ASAP3: variants seen among roughly 807,000 people sequenced by gnomAD.
ASAP3 encodes arf-GAP with SH3 domain, ANK repeat and PH domain-containing protein 3.
A neutral mutation model predicts 118.2 loss-of-function variants in ASAP3; 85 were observed. That is an observed-to-expected ratio of 0.72 (90% CI 0.60 to 0.86). ASAP3 has a LOEUF of 0.86. ASAP3 is among the 40% of genes least tolerant of loss of function. The pLI is 0.00. For synonymous variants in ASAP3, 432 were observed against 477.4 expected, an observed-to-expected ratio of 0.90 and a Z score of 1.24; for missense variants, 1,026 against 1,175.0, an observed-to-expected ratio of 0.87 and a Z score of 1.85.
chr1:23,455,872 G>T lies in ASAP3; in HGVS notation c.348+9C>A, dbSNP rs1477853555. 6.2e-7 allele frequency: 1 copy of T among 1,613,992 alleles called. No individual in the cohort carries two copies. Among genetic ancestry groups the T allele is most frequent in the East Asian group, 2.2e-5 (1 of 44,876 alleles). ...CTGAGTCTGGGCAAGGAAGAGACAGGGGCCTCACCAGGTTCTTGAAGAGCG... is the reference window on the plus strand; with the variant it reads ...CTGAGTCTGGGCAAGGAAGAGACAGTGGCCTCACCAGGTTCTTGAAGAGCG... On this transcript the variant is annotated intron_variant, in intron 3 of 24. Coordinates refer to ENST00000336689, the MANE Select transcript of ASAP3 (RefSeq NM_017707.4).
chr1:23,444,913 C>A (rs960596975), intron 5 of ASAP3, among the ~76,000 whole-genome samples: 1 of 151,782 alleles, frequency 6.6e-6, no homozygotes, highest in Non-Finnish European at 1.5e-5. Context: ...AGTAGCATCC[C>A]CCCAGCTGTG....
chr1:23,449,551 A>C (rs939372382), intron 5 of ASAP3, among the ~76,000 whole-genome samples: 1 of 152,138 alleles, frequency 6.6e-6, no homozygotes, highest in Non-Finnish European at 1.5e-5. Context: ...GTGAAATTAC[A>C]TAGGAACTTA....
chr1:23,479,328 G>A (rs958511407), intron 1 of ASAP3, among the ~76,000 whole-genome samples: 9 of 152,098 alleles, frequency 5.9e-5, no homozygotes. Context: ...CTTAGTTCCT[G>A]ACAACTTCCC....
chr1:23,442,366 CT>C, intron 6 of ASAP3, 95 bp from the exon 7 acceptor site: 1 of 1,568,434 alleles, frequency 6.4e-7, no homozygotes, highest in East Asian at 2.3e-5. Context: ...ATCCTCCTGG[CT>C]GCGACTGGGC....
At chr1:23,456,716 T>C (rs1470232560) in intron 1 of ASAP3, among the ~76,000 whole-genome samples, 2 of 152,076 alleles carry the variant, frequency 1.3e-5, no homozygotes, top group East Asian at 3.9e-4. Context: ...CAAAGCAGGG[T>C]ACACTTGTTC....
At chr1:23,457,687 A>G (rs1641431672) in intron 1 of ASAP3, among the ~76,000 whole-genome samples, 1 of 152,002 alleles carries the variant, frequency 6.6e-6, no homozygotes, top group African/African-American at 2.4e-5. Flanking sequence ...AATTTTTTGT[A>G]TTTTTAGTAG....
At chr1:23,451,889 A>C (rs1218835717) in intron 4 of ASAP3, among the ~76,000 whole-genome samples, 3 of 152,174 alleles carry the variant, frequency 2.0e-5, no homozygotes, top group Non-Finnish European at 4.4e-5. Context: ...GGGAGGATGA[A>C]GGCCAAATTC....
At chr1:23,480,428 A>C (rs769217839) in intron 1 of ASAP3, among the ~76,000 whole-genome samples, 3 of 152,140 alleles carry the variant, frequency 2.0e-5, no homozygotes, top group Admixed American at 1.3e-4. Context: ...CCTCTCCGAT[A>C]AATGGGGTTC....
chr1:23,443,821 A>C lies in ASAP3; in HGVS notation c.474-1209T>G, dbSNP rs191801609. Among the ~76,000 whole-genome samples the C allele has an allele frequency of 3.1e-3, 476 of 152,068 alleles. 3 individuals are homozygous for C. Among genetic ancestry groups the C allele is most frequent in the African/African-American group, 0.011 (453 of 41,472 alleles). ...CTGCAACCTCGGCCTCCTGGGTTCA[A>C]GCGATTCTCCTGCCTCAGCCTCCCG... is the stretch of plus-strand genomic sequence containing the variant. On this transcript the variant is annotated intron_variant, in intron 5 of 24. Coordinates refer to ENST00000336689, the MANE Select transcript of ASAP3 (RefSeq NM_017707.4).
At chr1:23,451,832 C>T (rs976675092) in intron 4 of ASAP3, among the ~76,000 whole-genome samples, 1 of 152,160 alleles carries the variant, frequency 6.6e-6, no homozygotes, top group Non-Finnish European at 1.5e-5. Flanking sequence ...TGGGCTCTAC[C>T]CTGAGTCCTC....
At chr1:23,454,435 C>A (rs1046346182) in intron 3 of ASAP3, among the ~76,000 whole-genome samples, 8 of 152,182 alleles carry the variant, frequency 5.3e-5, no homozygotes, top group African/African-American at 1.9e-4. Context: ...ATCCGCCCAC[C>A]TTGGCCTCCC....
At chr1:23,434,735 C>CCA in intron 17 of ASAP3, 117 bp from the exon 18 acceptor site, 1 of 952,720 alleles carries the variant, frequency 1.0e-6, no homozygotes, top group Non-Finnish European at 1.6e-6. Context: ...TGCCAGAACC[C>CCA]TGGAGAGATG....
intron 24 of ASAP3, among the ~76,000 whole-genome samples, chr1:23,430,747 C>T (rs761986343): frequency 2.5e-4 from 38 of 152,222 alleles, no homozygotes; most frequent in Non-Finnish European, 4.1e-4. Flanking sequence ...CAGCCCTGGG[C>T]TGGAGCATGG....
In ASAP3 at chr1:23,434,623, A is replaced by G; in HGVS notation, c.1750-5T>C. 6.2e-7 allele frequency: 1 copy of G among 1,613,398 alleles called. No homozygotes were observed. The highest frequency in any genetic ancestry group is 8.5e-7 in the Non-Finnish European group (1 of 1,179,910). On this transcript the variant is annotated splice_polypyrimidine_tract_variant and splice_region_variant and intron_variant, in intron 17 of 24. Transcript: ENST00000336689. Reference sequence around the variant, plus strand: ...CAAGACGAGTTCTTCAGGTGCCTGAAAACACATCCACACCTCTGAGATTCC... The same window carrying G: ...CAAGACGAGTTCTTCAGGTGCCTGAGAACACATCCACACCTCTGAGATTCC...
At chr1:23,479,248 A>C (rs902911514) in intron 1 of ASAP3, among the ~76,000 whole-genome samples, 1 of 151,584 alleles carries the variant, frequency 6.6e-6, no homozygotes, top group Non-Finnish European at 1.5e-5. Flanking sequence ...ATGATGAATG[A>C]GCGAAAGCAC....
Position 23,437,173 on chromosome 1 carries a change from C to T in ASAP3, c.1299G>A (p.Lys433=), listed in dbSNP as rs370693470. Residue 433 remains lysine, a synonymous_variant, in exon 14 of 25, where the codon AAG becomes AAA. Transcript: ENST00000336689. This position sits in a 1 kb window ranked among gnomAD's most constrained non-coding sequence, Gnocchi z 6.1. The part of the protein sequence containing the change: ...DLTKLLIAEV[K]SRPGNSQCCD... ...AGCACTGGCTATTCCCAGGCCTGCT[C>T]TTCACCTCCGCGATGAGCAGCTTTG... The T allele has an allele frequency of 1.2e-6, 2 of 1,608,248 alleles. No homozygotes were observed. The highest frequency in any genetic ancestry group is 4.5e-5 in the East Asian group (2 of 44,666).
chr1:23,435,447 G>A (rs916576062), intron 17 of ASAP3, among the ~76,000 whole-genome samples: 5 of 152,192 alleles, frequency 3.3e-5, no homozygotes, highest in African/African-American at 9.7e-5. Context: ...AAAGCAATGT[G>A]GCCTTCCTGG....
chr1:23,440,348 A>C (rs1169502738), intron 10 of ASAP3, among the ~76,000 whole-genome samples: 1 of 146,808 alleles, frequency 6.8e-6, no homozygotes, highest in East Asian at 2.1e-4. Context: ...AAAAATACAA[A>C]AAATTAGCTG....
Position 23,433,477 on chromosome 1 carries a change from C to A in ASAP3, c.2075G>T (p.Trp692Leu), listed in dbSNP as rs1389681761. ...AGAGCCAGGCTCTGTGGAAATTACC[C>A]AGGAGTAGTCCACATGTAGAGGGAA... The part of the protein sequence containing the change: ...FAFPLHVDYS[W>L]VISTEPGSDS... Residue 692 changes from tryptophan to leucine, a missense_variant, in exon 21 of 25, where the codon TGG (tryptophan) becomes TTG (leucine). By Grantham distance (61) the Trp-to-Leu change is moderately conservative. Transcript: ENST00000336689. The A allele has an allele frequency of 6.2e-7, 1 of 1,614,096 alleles. No homozygotes were observed. The highest frequency in any genetic ancestry group is 8.5e-7 in the Non-Finnish European group (1 of 1,180,050).
Sources: allele counts gnomAD v4.1 joint callset (sites outside exome capture counted in the v4.1 genomes callset), GRCh38; gene constraint gnomAD v4.1.1; non-coding constraint Gnocchi (gnomAD v3.1); transcripts MANE v1.5; gene names NCBI Gene and HGNC (gene_info 2026-07-23, HGNC 2026-07-21).